The following RCC2 variants were observed in gnomAD, a reference collection of about 807,000 sequenced individuals.
The protein encoded by RCC2 is regulator of chromosome condensation 2.
RCC2 carries 19 observed loss-of-function variants against 64.1 expected under a neutral mutation model. The observed-to-expected ratio is 0.30, with a 90% CI of 0.21 to 0.44. The LOEUF (loss-of-function observed/expected upper bound fraction) is 0.44. Ranked by LOEUF, RCC2 falls within the 20% of genes least tolerant of loss-of-function variation. The pLI is 1.00. For synonymous variants in RCC2, 325 were observed against 279.6 expected, an observed-to-expected ratio of 1.16 and a Z score of -1.62; for missense variants, 508 against 710.4, an observed-to-expected ratio of 0.72 and a Z score of 3.24.
intron 2 of RCC2, among the ~76,000 whole-genome samples, chr1:17,431,359 A>AAAAAAAAAATAT (rs1553158471): frequency 8.9e-5 from 4 of 44,928 alleles, no homozygotes; most frequent in East Asian, 6.1e-4. Flanking sequence ...AAAAAAAAAA[A>AAAAAAAAAATAT]ATATATATAT....
intron 1 of RCC2, 154 bp from the exon 2 acceptor site, chr1:17,438,676 A>T (rs2075772135): frequency 4.3e-6 from 3 of 701,312 alleles, no homozygotes; most frequent in Non-Finnish European, 5.9e-6. Context: ...GAGTTGGGAG[A>T]GGAAATCGCG....
chr1:17,439,052 A>AC (rs1243505757), intron 1 of RCC2, among the ~76,000 whole-genome samples: 1 of 149,518 alleles, frequency 6.7e-6, no homozygotes, highest in Non-Finnish European at 1.5e-5. Context: ...TCAGCCCTGG[A>AC]CCCCCGTTCG....
At chr1:17,429,657 C>G (rs1431760924) in intron 2 of RCC2, among the ~76,000 whole-genome samples, 2 of 152,206 alleles carry the variant, frequency 1.3e-5, no homozygotes, top group Admixed American at 1.3e-4. Context: ...GCTGCCCACT[C>G]TGCCGAGAGC....
At chr1:17,420,647 A>G (rs1570185712) in intron 7 of RCC2, 67 bp downstream of exon 7, 2 of 1,023,548 alleles carry the variant, frequency 2.0e-6, no homozygotes, top group East Asian at 2.4e-5. Flanking sequence ...GTGCAGCCCC[A>G]CACTGATCTC....
rs370012940 is a variant in RCC2, at chr1:17,430,488, CA to C, written c.286-1290del. ...TAGGTGACATAGCCAGGCCTTGTCT[CA>C]AAAAAAAAAAAAAGGGGGCCAGGCA... is the stretch of plus-strand genomic sequence containing the variant. On this transcript the variant is annotated intron_variant, in intron 2 of 12. Transcript: ENST00000375436. Among the ~76,000 whole-genome samples the C allele has an allele frequency of 3.1e-3, 402 of 128,598 alleles. 1 individual carries two copies. The highest frequency in any genetic ancestry group is 4.3e-3 in the African/African-American group (154 of 35,656). The allele number at this position is 128,598 out of a possible 152,430, so 84.4% of individuals were successfully genotyped here. A position where few individuals can be genotyped will look rare whatever the true frequency, so the allele number is the denominator to read the frequency against.
intron 7 of RCC2, among the ~76,000 whole-genome samples, chr1:17,419,353 CG>C (rs1158661224): frequency 3.9e-5 from 6 of 152,216 alleles, no homozygotes; most frequent in Middle Eastern, 3.4e-3. Context: ...AGGGAGACTC[CG>C]TCTTTCTTAT....
Position 17,438,374 on chromosome 1 carries a change from G to A in RCC2, c.141C>T (p.Gly47=), listed in dbSNP as rs1477947340. ...ERPERCSSSS[G]GGSSGDEDGL... is the part of the protein sequence containing the mutation. ...CGTCCTCGTCGCCGCTGCTGCCGCCGCCGCTGCTGCTACTGCAGCGCTCGG... is the reference window on the plus strand; with the variant it reads ...CGTCCTCGTCGCCGCTGCTGCCGCCACCGCTGCTGCTACTGCAGCGCTCGG... The change falls in exon 2 of 13, where the codon GGC becomes GGT. Residue 47 remains glycine (G), a synonymous_variant. Transcript: ENST00000375436. The A allele has an allele frequency of 2.4e-6, 3 of 1,245,468 alleles. No individual in the cohort carries two copies. The highest frequency in any genetic ancestry group is 3.0e-6 in the Non-Finnish European group (3 of 998,680). 77.2% of individuals were successfully genotyped at this position (1,245,468 alleles called of 1,614,324 possible).
chr1:17,420,591 C>CA (rs1557626174), intron 7 of RCC2, 123 bp downstream of exon 7: 6 of 560,078 alleles, frequency 1.1e-5, no homozygotes, highest in Non-Finnish European at 1.6e-5. Flanking sequence ...ACTTAACGGA[C>CA]AAAGGCTATT....
chr1:17,426,126 G>A (rs1294936137), intron 3 of RCC2, among the ~76,000 whole-genome samples: 1 of 152,098 alleles, frequency 6.6e-6, no homozygotes, highest in African/African-American at 2.4e-5. Flanking sequence ...CGCTCACCCT[G>A]ACAGTAACCT....
At chr1:17,412,256 T>C in intron 10 of RCC2, 62 bp from the exon 11 acceptor site, 2 of 1,521,542 alleles carry the variant, frequency 1.3e-6, no homozygotes, top group East Asian at 2.3e-5. Context: ...CACGCAGCTA[T>C]GGCTCAAGGG....
At chr1:17,437,642 G>A (rs1281335568) in intron 2 of RCC2, among the ~76,000 whole-genome samples, 8 of 4,294 alleles carry the variant, frequency 1.9e-3, no homozygotes, top group Admixed American at 4.7e-3. Flanking sequence ...CAGCCGGGGG[G>A]CTTCCCCGAC....
intron 8 of RCC2, among the ~76,000 whole-genome samples, chr1:17,414,285 G>A (rs773581877): frequency 6.6e-6 from 1 of 151,864 alleles, no homozygotes; most frequent in African/African-American, 2.4e-5. Flanking sequence ...ATCCTAGCAC[G>A]TTGGGAGGCT....
chr1:17,416,342 G>A (rs1037525074), intron 8 of RCC2, 138 bp downstream of exon 8: 4 of 944,648 alleles, frequency 4.2e-6, no homozygotes, highest in African/African-American at 3.3e-5. Context: ...TGGCCAAGGT[G>A]CAAAGCCCTC....
Position 17,420,746 on chromosome 1 carries a change from T to G in RCC2, c.827A>C (p.Tyr276Ser). The G allele has an allele frequency of 6.2e-7, 1 of 1,608,844 alleles. No homozygotes were observed. The highest frequency in any genetic ancestry group is 8.5e-7 in the Non-Finnish European group (1 of 1,178,524). The change falls in exon 7 of 13, where the codon TAT becomes TCT. Residue 276 changes from tyrosine (Y) to serine (S), a missense_variant. Around this residue, in one of 4 missense-constraint regions of RCC2, gnomAD observed 179 missense variants for 322.0 expected, o/e 0.56. Transcript: ENST00000375436. Reference protein sequence around the residue: ...SMIMDCKGNLYSFGCPEYGQL... With the variant: ...SMIMDCKGNLSSFGCPEYGQL... ...ACCATATTCAGGGCACCCAAAGGAA[T>G]AGAGGTTTCCTTTGCAGTCCATTAT...
intron 2 of RCC2, among the ~76,000 whole-genome samples, chr1:17,433,381 C>T (rs895038266): frequency 1.3e-5 from 2 of 152,220 alleles, no homozygotes; most frequent in Non-Finnish European, 1.5e-5. Context: ...AACAGCCAAT[C>T]GTGGGAGAGA....
intron 1 of RCC2, 32 bp from the exon 2 acceptor site, chr1:17,438,554 T>G: frequency 7.7e-7 from 1 of 1,299,354 alleles, no homozygotes; most frequent in Non-Finnish European, 9.8e-7. Flanking sequence ...CGGCGCACAA[T>G]GGACGGGTTA....
At chr1:17,422,932 C>T in intron 4 of RCC2, 96 bp from the exon 5 acceptor site, 3 of 1,486,126 alleles carry the variant, frequency 2.0e-6, no homozygotes, top group Non-Finnish European at 2.8e-6. Context: ...AAATGATGCC[C>T]ATCTGTCTCT....
At chr1:17,422,594 A>G in intron 5 of RCC2, 111 bp downstream of exon 5, 1 of 1,411,214 alleles carries the variant, frequency 7.1e-7, no homozygotes, top group South Asian at 1.3e-5. Flanking sequence ...CCTCTTTCTG[A>G]TCCTGACCAA....
At chr1:17,423,734 G>A (rs770913384) in intron 4 of RCC2, among the ~76,000 whole-genome samples, 3 of 152,254 alleles carry the variant, frequency 2.0e-5, no homozygotes, top group African/African-American at 2.4e-5. Context: ...GTAACCTGAC[G>A]TGGGGAAACT....
Sources: gnomAD v4.1 joint callset for allele counts (sites outside exome capture counted in the v4.1 genomes callset) on GRCh38, gnomAD v4.1.1 for gene constraint, gnomAD v4.1.1 regional missense constraint, MANE v1.5 for transcripts, NCBI Gene and HGNC (gene_info 2026-07-23, HGNC 2026-07-21) for gene names.